SCRG1: variants seen among roughly 807,000 people sequenced by gnomAD.
SCRG1 encodes the protein scrapie-responsive protein 1.
A neutral mutation model predicts 7.7 loss-of-function variants in SCRG1; 3 were observed. The observed-to-expected ratio is 0.39, with a 90% confidence interval of 0.18 to 1.01. The LOEUF (loss-of-function observed/expected upper bound fraction) is 1.01. Among genes scored for constraint, SCRG1 ranks in the 50% least tolerant of loss-of-function variants. SCRG1 has a pLI of 0.36. For missense variants in SCRG1, 110 were observed against 117.2 expected (o/e 0.94, Z 0.28); for synonymous variants, 46 against 41.2 (o/e 1.12, Z -0.44).
At chr4:173,466,046 TC>T in the SCRG1 span, among the ~76,000 whole-genome samples, 1 of 152,098 alleles carries the variant, frequency 6.6e-6, no homozygotes, top group Non-Finnish European at 1.5e-5. Context: ...CAAATCCCCT[TC>T]CCCTTGGTTT....
At chr4:173,497,031 G>C in the SCRG1 span, among the ~76,000 whole-genome samples, 2 of 152,108 alleles carry the variant, frequency 1.3e-5, no homozygotes, top group South Asian at 4.1e-4. Flanking sequence ...GCGTGAACCT[G>C]GGAGGCAGAG....
At chr4:173,484,360 ATAT>A in the SCRG1 span, among the ~76,000 whole-genome samples, 1 of 49,246 alleles carries the variant, frequency 2.0e-5, no homozygotes, top group Non-Finnish European at 3.8e-5. Context: ...TATATAATAT[ATAT>A]TATATATTAT....
chr4:173,508,977 C>A, the SCRG1 span, among the ~76,000 whole-genome samples: 2 of 152,178 alleles, frequency 1.3e-5, no homozygotes, highest in Non-Finnish European at 2.9e-5. This position sits in a 1 kb window ranked among gnomAD's most constrained non-coding sequence, Gnocchi z 4.4. Context: ...TTCCCTGTTT[C>A]TTAGAATATT....
chr4:173,473,334 C>T, the SCRG1 span, among the ~76,000 whole-genome samples: 1 of 152,214 alleles, frequency 6.6e-6, no homozygotes, highest in African/African-American at 2.4e-5. Flanking sequence ...TCGTATTAGC[C>T]TAGAGCAGTC....
rs2126911386 is a variant in SCRG1 at position 173,387,745 on chromosome 4, C to A, written c.*596G>T. 1 of 117,600 alleles carries A rather than the reference C, an allele frequency of 8.5e-6. No homozygotes were observed. Among genetic ancestry groups the A allele is most frequent in the South Asian group, 2.9e-4 (1 of 3,492 alleles). 7.3% of individuals were successfully genotyped at this position (117,600 alleles called of 1,614,324 possible). A position where few individuals can be genotyped will look rare whatever the true frequency, so the allele number is the denominator to read the frequency against. On this transcript the variant is annotated 3_prime_UTR_variant, in exon 3 of 3. Coordinates refer to ENST00000296506, the MANE Select transcript of SCRG1 (RefSeq NM_007281.4). ...TTTTTTTTTTCGAGACAGGGTCTTGCTCTGTCACCCAGGCTAGAGTGCAGT... is the reference window on the plus strand; with the variant it reads ...TTTTTTTTTTCGAGACAGGGTCTTGATCTGTCACCCAGGCTAGAGTGCAGT...
the SCRG1 span, among the ~76,000 whole-genome samples, chr4:173,452,402 G>A: frequency 6.6e-6 from 1 of 152,256 alleles, no homozygotes; most frequent in African/African-American, 2.4e-5. Context: ...TGTTTCAGGG[G>A]TGGCAGAGGC....
At chr4:173,449,435 C>CTTTTTTTTTTTT in the SCRG1 span, among the ~76,000 whole-genome samples, 1 of 115,932 alleles carries the variant, frequency 8.6e-6, no homozygotes, top group Non-Finnish European at 1.8e-5. Flanking sequence ...CATGATAAAT[C>CTTTTTTTTTTTT]TTTTTTTTTT....
chr4:173,451,163 A>G, the SCRG1 span, among the ~76,000 whole-genome samples: 1 of 151,696 alleles, frequency 6.6e-6, no homozygotes, highest in Non-Finnish European at 1.5e-5. Context: ...CTTAAGATCC[A>G]GTGTATATAT....
At chr4:173,455,019 T>C in the SCRG1 span, among the ~76,000 whole-genome samples, 2,410 of 152,228 alleles carry the variant, frequency 0.016, 45 homozygotes, top group African/African-American at 0.046. Flanking sequence ...TCCTTGGTTG[T>C]AAGAAATGCG....
At chr4:173,466,030 T>C in the SCRG1 span, among the ~76,000 whole-genome samples, 1 of 152,148 alleles carries the variant, frequency 6.6e-6, no homozygotes, top group African/African-American at 2.4e-5. Flanking sequence ...GGCACAAATT[T>C]GGAACCAAAT....
chr4:173,412,666 C>T, the SCRG1 span, among the ~76,000 whole-genome samples: 2 of 152,198 alleles, frequency 1.3e-5, no homozygotes, highest in Non-Finnish European at 2.9e-5. Context: ...AAAACGCCCT[C>T]AGTTTACTGT....
the SCRG1 span, among the ~76,000 whole-genome samples, chr4:173,513,858 T>G: frequency 6.6e-6 from 1 of 152,186 alleles, no homozygotes; most frequent in Non-Finnish European, 1.5e-5. Flanking sequence ...TGAATCACAG[T>G]GGGTGAAGAA....
chr4:173,414,945 T>A, the SCRG1 span, among the ~76,000 whole-genome samples: 2 of 152,244 alleles, frequency 1.3e-5, no homozygotes, highest in South Asian at 4.1e-4. Context: ...ACCAGTAGTT[T>A]TTGCCTGTCT....
In SCRG1 at chr4:173,388,162, T is replaced by C; in HGVS notation, c.*179A>G. On this transcript the variant is annotated 3_prime_UTR_variant, in exon 3 of 3. Coordinates refer to ENST00000296506, the MANE Select transcript of SCRG1 (RefSeq NM_007281.4). ...TGCCAACAATGTCCACAGAGAAAAA[T>C]TAGATTGAATTAACTTTTATTACTA... 2.1e-6 allele frequency: 1 copy of C among 468,314 alleles called. No individual in the cohort carries two copies. The highest frequency in any genetic ancestry group is 3.4e-5 in the East Asian group (1 of 29,120). The allele number at this position is 468,314 out of a possible 1,614,324, so 29.0% of individuals were successfully genotyped here. A position where few individuals can be genotyped will look rare whatever the true frequency, so the allele number is the denominator to read the frequency against.
At chr4:173,443,941 TTTTG>T in the SCRG1 span, among the ~76,000 whole-genome samples, 2 of 115,860 alleles carry the variant, frequency 1.7e-5, no homozygotes, top group Admixed American at 1.0e-4. Context: ...AAAGAGCTTG[TTTTG>T]TGTGTGTGTG....
chr4:173,507,158 C>G, the SCRG1 span, among the ~76,000 whole-genome samples: 1 of 152,196 alleles, frequency 6.6e-6, no homozygotes, highest in Non-Finnish European at 1.5e-5. The surrounding 1 kb of genome is among the most constrained non-coding windows in gnomAD (Gnocchi z 4.4). Flanking sequence ...AGGCCAGACT[C>G]TACTCCTTGC....
At chr4:173,483,959 T>G in the SCRG1 span, among the ~76,000 whole-genome samples, 1 of 30,064 alleles carries the variant, frequency 3.3e-5, no homozygotes, top group Non-Finnish European at 8.5e-5. Flanking sequence ...TATAATATAT[T>G]ATATATTTTA....
At chr4:173,504,528 G>A in the SCRG1 span, among the ~76,000 whole-genome samples, 7 of 152,242 alleles carry the variant, frequency 4.6e-5, no homozygotes. The surrounding 1 kb of genome is among the most constrained non-coding windows in gnomAD (Gnocchi z 4.7). Context: ...TTGGACTCTA[G>A]AAACCACGTG....
the SCRG1 span, among the ~76,000 whole-genome samples, chr4:173,484,972 A>T: frequency 2.0e-4 from 5 of 24,884 alleles, no homozygotes; most frequent in East Asian, 1.6e-3. Context: ...TATTATATAT[A>T]ATATTATAAA....
Sources: allele counts gnomAD v4.1 joint callset (sites outside exome capture counted in the v4.1 genomes callset), GRCh38; gene constraint gnomAD v4.1.1; non-coding constraint Gnocchi (gnomAD v3.1); transcripts MANE v1.5; gene names NCBI Gene and HGNC (gene_info 2026-07-23, HGNC 2026-07-21).